The following PTPRK variants were observed in gnomAD, a reference collection of about 807,000 sequenced individuals.
PTPRK encodes receptor-type tyrosine-protein phosphatase kappa.
Under a neutral mutation model 178.0 loss-of-function variants are expected in PTPRK, and 75 were observed. The ratio of observed to expected loss-of-function variants is 0.42; its 90% CI spans 0.35 to 0.51. The LOEUF (loss-of-function observed/expected upper bound fraction) is 0.51, where lower values mean the gene tolerates loss of function less well. Ranked by LOEUF, PTPRK falls within the 20% of genes least tolerant of loss-of-function variation. The pLI, the probability that PTPRK is intolerant of heterozygous loss-of-function variation, is 0.02. For missense variants in PTPRK, 1,441 were observed against 1,797.8 expected (o/e 0.80, Z 3.59); for synonymous variants, 637 against 620.6 (o/e 1.03, Z -0.39).
At chr6:128,031,217 G>C (rs1440956935) in intron 13 of PTPRK, among the ~76,000 whole-genome samples, 1 of 152,080 alleles carries the variant, frequency 6.6e-6, no homozygotes, top group East Asian at 1.9e-4. Context: ...ACTCATTCAA[G>C]TGCATTTATA....
intron 1 of PTPRK, among the ~76,000 whole-genome samples, chr6:128,494,315 G>T (rs1218136584): frequency 6.6e-6 from 1 of 150,986 alleles, no homozygotes; most frequent in Non-Finnish European, 1.5e-5. Flanking sequence ...ATTTTTTAAA[G>T]ATATAATGAT....
intron 1 of PTPRK, among the ~76,000 whole-genome samples, chr6:128,424,312 T>C (rs1282438643): frequency 1.3e-5 from 2 of 152,286 alleles, no homozygotes; most frequent in Non-Finnish European, 2.9e-5. Context: ...AGAGAAAGAA[T>C]AGTGGCTGCG....
chr6:128,402,336 C>G (rs1454169001), intron 1 of PTPRK, among the ~76,000 whole-genome samples: 8 of 152,168 alleles, frequency 5.3e-5, no homozygotes, highest in Non-Finnish European at 1.0e-4. Flanking sequence ...CGGCTCACAG[C>G]AACCTCTGCC....
chr6:128,039,052 G>C (rs1052510861), intron 13 of PTPRK, among the ~76,000 whole-genome samples: 1 of 152,060 alleles, frequency 6.6e-6, no homozygotes, highest in Admixed American at 6.6e-5. Context: ...AGGGTGATTT[G>C]GCTGTAATTA....
chr6:128,057,925 A>C (rs1008858643), intron 13 of PTPRK, among the ~76,000 whole-genome samples: 1 of 152,174 alleles, frequency 6.6e-6, no homozygotes, highest in East Asian at 1.9e-4. Flanking sequence ...TTAAACAATA[A>C]AGTGTATATT....
At chr6:128,087,810 T>C (rs980107996) in intron 8 of PTPRK, among the ~76,000 whole-genome samples, 2 of 152,150 alleles carry the variant, frequency 1.3e-5, no homozygotes, top group African/African-American at 4.8e-5. Flanking sequence ...CTATATTGCT[T>C]CCTTCAAATT....
At chr6:128,353,690 G>A (rs1240172011) in intron 2 of PTPRK, among the ~76,000 whole-genome samples, 1 of 152,126 alleles carries the variant, frequency 6.6e-6, no homozygotes, top group East Asian at 1.9e-4. Flanking sequence ...CGTTACAGAG[G>A]AGTAATGATG....
chr6:128,388,593 T>C (rs1839107463), intron 2 of PTPRK, among the ~76,000 whole-genome samples: 1 of 152,196 alleles, frequency 6.6e-6, no homozygotes, highest in Non-Finnish European at 1.5e-5. Flanking sequence ...CTACATATAC[T>C]TGTTTTATAA....
rs557233403 is a variant in PTPRK at position 128,308,882 on chromosome 6, G to C, written c.495+13157C>G. On this transcript the variant is annotated intron_variant, in intron 3 of 29. Coordinates refer to ENST00000368226, the MANE Select transcript of PTPRK (RefSeq NM_002844.4). ...TGAAACCTTTACATATTTGCAAAGA[G>C]ACAGGTAGGCATCAGTGGACACGTG... Among the ~76,000 whole-genome samples, 5 of 152,284 alleles carry C rather than the reference G, an allele frequency of 3.3e-5. No homozygotes were observed. The South Asian group carries it at 1.0e-3, about 32-fold the overall frequency.
intron 1 of PTPRK, chr6:128,500,449 C>A (rs1448824205): frequency 2.0e-5 from 3 of 152,044 alleles, no homozygotes; most frequent in East Asian, 1.9e-4. Context: ...AGCATAATTA[C>A]ATTTTTGATT....
At chr6:128,198,232 A>T (rs567293690) in intron 6 of PTPRK, among the ~76,000 whole-genome samples, 22 of 152,334 alleles carry the variant, frequency 1.4e-4, no homozygotes, top group African/African-American at 5.3e-4. Flanking sequence ...AAGACAGCTG[A>T]AAGTAAACTT....
chr6:128,311,138 A>T (rs1351522980), intron 3 of PTPRK, among the ~76,000 whole-genome samples: 1 of 152,168 alleles, frequency 6.6e-6, no homozygotes, highest in Non-Finnish European at 1.5e-5. Context: ...TTTCATAACA[A>T]AAAAATAAAT....
chr6:128,479,489 G>A (rs1258707208), intron 1 of PTPRK, among the ~76,000 whole-genome samples: 1 of 152,092 alleles, frequency 6.6e-6, no homozygotes, highest in East Asian at 1.9e-4. Flanking sequence ...GTTTACAGAT[G>A]GTGGTCATGA....
chr6:128,277,131 A>C (rs1443038282), intron 3 of PTPRK, among the ~76,000 whole-genome samples: 1 of 152,070 alleles, frequency 6.6e-6, no homozygotes, highest in Non-Finnish European at 1.5e-5. Context: ...AAAAAAAAAA[A>C]GTCTCACTAA....
chr6:128,153,366 A>G (rs1797543014), intron 7 of PTPRK, among the ~76,000 whole-genome samples: 1 of 151,964 alleles, frequency 6.6e-6, no homozygotes, highest in African/African-American at 2.4e-5. Context: ...TGGTTGAGAA[A>G]GCTATTAATG....
At chr6:128,059,777 T>G (rs2114909229) in intron 13 of PTPRK, among the ~76,000 whole-genome samples, 1 of 152,310 alleles carries the variant, frequency 6.6e-6, no homozygotes, top group South Asian at 2.1e-4. Flanking sequence ...AATGCTTGAA[T>G]CATCTTCAGG....
chr6:128,385,568 T>C (rs1838586866), intron 2 of PTPRK, among the ~76,000 whole-genome samples: 1 of 152,224 alleles, frequency 6.6e-6, no homozygotes, highest in Non-Finnish European at 1.5e-5. Flanking sequence ...TGTTAACAAA[T>C]ACTTATTAAA....
At chr6:128,005,058 T>A in intron 15 of PTPRK, 26 bp downstream of exon 15, 1 of 1,579,878 alleles carries the variant, frequency 6.3e-7, no homozygotes, top group Non-Finnish European at 8.7e-7. Flanking sequence ...TAACATCATT[T>A]ATTAAAATTT....
At chr6:127,975,681 A>G (rs1325953652) in intron 27 of PTPRK, among the ~76,000 whole-genome samples, 7 of 152,128 alleles carry the variant, frequency 4.6e-5, no homozygotes, top group Non-Finnish European at 1.0e-4. Flanking sequence ...TTTTATTAAT[A>G]TCTTTTTTTG....
Sources: gnomAD v4.1 joint callset for allele counts (sites outside exome capture counted in the v4.1 genomes callset) on GRCh38, gnomAD v4.1.1 for gene constraint, MANE v1.5 for transcripts, NCBI Gene and HGNC (gene_info 2026-07-23, HGNC 2026-07-21) for gene names.